Variants in GAS2L1 observed in about 807,000 individuals in gnomAD.
GAS2L1 encodes the protein growth arrest specific 2 like 1.
GAS2L1 carries 26 observed loss-of-function variants against 44.0 expected under a neutral mutation model. The observed-to-expected ratio is 0.59, with a 90% CI of 0.43 to 0.82. The LOEUF (loss-of-function observed/expected upper bound fraction) is 0.82. Ranked by LOEUF, GAS2L1 falls within the 40% of genes least tolerant of loss-of-function variation. The probability of loss-of-function intolerance (pLI) is 0.00; values close to 1 mark genes in which losing one functional copy is unlikely to be tolerated. For missense variants in GAS2L1, 1,006 were observed against 983.0 expected, an observed-to-expected ratio of 1.02 and a Z score of -0.31; for synonymous variants, 426 against 415.9, an observed-to-expected ratio of 1.02 and a Z score of -0.30.
rs575253990 is a variant in GAS2L1, at chr22:29,311,033, G to C, written c.1010+35G>C. ...AGGAGGACGAGGAGTGAGGGGTCCAGAGGGTGGGGGGGCGTCAGCCCTGGC... is the reference window on the plus strand; with the variant it reads ...AGGAGGACGAGGAGTGAGGGGTCCACAGGGTGGGGGGGCGTCAGCCCTGGC... On this transcript the variant is annotated intron_variant, in intron 4 of 4. Coordinates refer to ENST00000618518, the Ensembl canonical transcript of GAS2L1. The C allele has an allele frequency of 5.0e-6, 8 of 1,584,504 alleles. No homozygotes were observed. In the South Asian group the frequency reaches 6.8e-5, roughly 13 times the overall value.
At chr22:29,309,663 C>T (rs560067877) in intron 1 of GAS2L1, among the ~76,000 whole-genome samples, 15 of 152,214 alleles carry the variant, frequency 9.9e-5, no homozygotes, top group Non-Finnish European at 1.5e-4. Flanking sequence ...CGTGCTCACC[C>T]GGCCAGTGGT....
At chr22:29,311,875 C>A (rs1267680327) in exon 5 of GAS2L1, 1 of 1,597,634 alleles carries the variant, frequency 6.3e-7, no homozygotes, top group Non-Finnish European at 8.5e-7. Flanking sequence ...CCCCAGACTC[C>A]CCGTGCCCGC....
At chr22:29,310,394 A>G in intron 1 of GAS2L1, 45 bp from the exon 3 acceptor site, 2 of 1,053,562 alleles carry the variant, frequency 1.9e-6, no homozygotes, top group South Asian at 1.3e-5. Flanking sequence ...AAGCCCCAGG[A>G]GGAGGACTTG....
chr22:29,311,948 G>A (rs745740774), exon 5 of GAS2L1: 3 of 1,606,568 alleles, frequency 1.9e-6, no homozygotes, highest in Non-Finnish European at 2.5e-6. Flanking sequence ...GCACCACACC[G>A]GCCAGCATCT....
Position 29,308,259 on chromosome 22 carries a change from T to C in GAS2L1, c.154T>C (p.Phe52Leu), listed in dbSNP as rs1250002961. 3 of 1,609,130 alleles carry C rather than the reference T, an allele frequency of 1.9e-6. No homozygotes were observed. The South Asian group carries it at 3.3e-5, about 18-fold the overall frequency. ...GGGTCTCCCGGGTGGTGGCGATGGCTTCCTGACAGGGCTGGCCACGGGCAC... is the reference window on the plus strand; with the variant it reads ...GGGTCTCCCGGGTGGTGGCGATGGCCTCCTGACAGGGCTGGCCACGGGCAC... Residue 52 changes from phenylalanine to leucine, a missense_variant, in exon 1 of 5, where the codon TTC (phenylalanine) becomes CTC (leucine). Phe to Leu is a conservative substitution (Grantham distance 22). Coordinates refer to ENST00000618518, the Ensembl canonical transcript of GAS2L1.
exon 5 of GAS2L1, chr22:29,311,479 C>T (rs1219177691): frequency 6.3e-6 from 9 of 1,434,372 alleles, no homozygotes; most frequent in South Asian, 2.6e-5. Flanking sequence ...GATCAGCTGC[C>T]CCCCCATCCC....
exon 4 of GAS2L1, chr22:29,310,984 C>A: frequency 1.9e-6 from 3 of 1,612,394 alleles, no homozygotes; most frequent in Non-Finnish European, 2.5e-6. Context: ...AGGAGGGGCC[C>A]GAGACCCCAC....
exon 5 of GAS2L1, chr22:29,311,901 C>A (rs767656866): frequency 6.2e-7 from 1 of 1,601,276 alleles, no homozygotes; most frequent in East Asian, 2.2e-5. Flanking sequence ...TGCAGCACCC[C>A]GGCTTTCCCG....
chr22:29,312,650 G>T (rs2061423784), exon 5 of GAS2L1: 1 of 479,700 alleles, frequency 2.1e-6, no homozygotes. Context: ...GACCTCTGTT[G>T]TACATTCCGG....
chr22:29,311,334 C>T lies in GAS2L1; in HGVS notation c.1011-128C>T, dbSNP rs2061403171. The T allele has an allele frequency of 8.4e-6, 5 of 598,330 alleles. No individual in the cohort carries two copies. The South Asian group carries it at 1.0e-4, about 12-fold the overall frequency. 37.1% of individuals were successfully genotyped at this position (598,330 alleles called of 1,614,324 possible). A position where few individuals can be genotyped will look rare whatever the true frequency, so the allele number is the denominator to read the frequency against. On this transcript the variant is annotated intron_variant, in intron 4 of 4. Transcript: ENST00000618518. ...GCTGCTCACTTCTCCCTGGAAGTCC[C>T]CAGGACAGACCGATGCCCCTGACAG... is the stretch of plus-strand genomic sequence containing the variant.
exon 5 of GAS2L1, chr22:29,311,703 C>T: frequency 6.5e-7 from 1 of 1,527,638 alleles, no homozygotes; most frequent in African/African-American, 1.4e-5. Flanking sequence ...CCGGGGGGCC[C>T]CAGGAGGCAG....
exon 4 of GAS2L1, chr22:29,310,858 C>T (rs777655731): frequency 1.9e-6 from 3 of 1,612,594 alleles, no homozygotes; most frequent in Non-Finnish European, 2.5e-6. Flanking sequence ...GGGTCTGCAC[C>T]TTTTCTCCAC....
chr22:29,307,928 G>T (rs1034738763), exon 1 of GAS2L1: 2 of 461,430 alleles, frequency 4.3e-6, no homozygotes, highest in Admixed American at 3.8e-5. Flanking sequence ...TACCCATTTC[G>T]CAGATGAGGA....
In GAS2L1 at chr22:29,308,077, C is replaced by T. The variant is rs1393194568; in HGVS notation, c.-29C>T. 1 of 1,520,946 alleles carries T rather than the reference C, an allele frequency of 6.6e-7. No individual in the cohort carries two copies. The highest frequency in any genetic ancestry group is 1.3e-5 in the South Asian group (1 of 78,052). 94.2% of individuals were successfully genotyped at this position (1,520,946 alleles called of 1,614,324 possible). On this transcript the variant is annotated 5_prime_UTR_variant, in exon 1 of 5. Transcript: ENST00000618518. ...CCCACAGCGATCCTGAACTGTGTTCCTGCCCACAGTGACTCGGCCGGTCCG... is the reference window on the plus strand; with the variant it reads ...CCCACAGCGATCCTGAACTGTGTTCTTGCCCACAGTGACTCGGCCGGTCCG...
intron 1 of GAS2L1, among the ~76,000 whole-genome samples, chr22:29,309,411 A>G (rs2061381307): frequency 6.6e-6 from 1 of 152,230 alleles, no homozygotes; most frequent in Admixed American, 6.5e-5. Context: ...TGAGGGCTGG[A>G]CCAAGAGTTT....
rs755831357 is a variant in GAS2L1, at chr22:29,311,490, C to G, written c.1039C>G (p.Arg347Gly). 15 of 1,499,634 alleles carry G rather than the reference C, an allele frequency of 1.0e-5. No individual in the cohort carries two copies. In the South Asian group the frequency reaches 1.7e-4, roughly 17 times the overall value. 92.9% of individuals were successfully genotyped at this position (1,499,634 alleles called of 1,614,324 possible). The change falls in exon 5 of 5, where the codon CGC (arginine) becomes GGC (glycine). Residue 347 changes from arginine to glycine, a missense_variant. Physicochemically the swap from Arg to Gly is moderately radical, Grantham distance 125. Transcript: ENST00000618518. ...CCGGGATCAGCTGCCCCCCCATCCC[C>G]GCTCCCGCCGCTACTCCGGGGACAG...
chr22:29,309,132 C>T (rs2061379248), intron 1 of GAS2L1, among the ~76,000 whole-genome samples: 1 of 152,186 alleles, frequency 6.6e-6, no homozygotes, highest in Non-Finnish European at 1.5e-5. Context: ...CATGGAGGCT[C>T]GAGGTTGAGC....
exon 5 of GAS2L1, chr22:29,311,911 G>C (rs1265813454): frequency 9.4e-6 from 15 of 1,602,516 alleles, no homozygotes; most frequent in Non-Finnish European, 1.3e-5. Context: ...CGGCTTTCCC[G>C]GGTCTCCAGC....
intron 4 of GAS2L1, 42 bp downstream of exon 5, chr22:29,311,040 G>A (rs773763317): frequency 8.9e-6 from 14 of 1,572,314 alleles, no homozygotes; most frequent in Non-Finnish European, 1.2e-5. Context: ...CCAGAGGGTG[G>A]GGGGGCGTCA....
Sources: allele counts gnomAD v4.1 joint callset (sites outside exome capture counted in the v4.1 genomes callset), GRCh38; gene constraint gnomAD v4.1.1; transcripts MANE v1.5; gene names NCBI Gene and HGNC (gene_info 2026-07-23, HGNC 2026-07-21).